The following PDE1A variants were observed in gnomAD, a reference collection of about 807,000 sequenced individuals.
PDE1A encodes phosphodiesterase 1A.
A neutral mutation model predicts 61.7 loss-of-function variants in PDE1A; 35 were observed. The observed-to-expected ratio is 0.57, with a 90% CI of 0.43 to 0.75. The LOEUF is 0.75. Among genes scored for constraint, PDE1A ranks in the 30% least tolerant of loss-of-function variants. The probability of loss-of-function intolerance (pLI) is 0.00; values close to 1 mark genes in which losing one functional copy is unlikely to be tolerated. For synonymous variants in PDE1A, 232 were observed against 213.2 expected, an observed-to-expected ratio of 1.09 and a Z score of -0.77; for missense variants, 597 against 630.6, an observed-to-expected ratio of 0.95 and a Z score of 0.57.
At chr2:182,679,447 C>T in the PDE1A span, among the ~76,000 whole-genome samples, 178 of 149,684 alleles carry the variant, frequency 1.2e-3, no homozygotes, top group Middle Eastern at 3.5e-3. Flanking sequence ...GTGATCCACG[C>T]GCCTCAGCCT....
intron 13 of PDE1A, among the ~76,000 whole-genome samples, chr2:182,150,691 G>T (rs1389078160): frequency 3.3e-5 from 5 of 152,288 alleles, no homozygotes; most frequent in South Asian, 2.1e-4. Context: ...TTTGTAAATA[G>T]AGTCTCAATT....
intron 13 of PDE1A, among the ~76,000 whole-genome samples, chr2:182,174,623 A>G (rs1277443660): frequency 6.6e-6 from 1 of 152,144 alleles, no homozygotes; most frequent in Non-Finnish European, 1.5e-5. Flanking sequence ...GCTGGCTTGT[A>G]TAATCCTTTA....
At chr2:182,146,563 C>T (rs1424366613), downstream of PDE1A, among the ~76,000 whole-genome samples, 1 of 152,114 alleles carries the variant, frequency 6.6e-6, no homozygotes, top group African/African-American at 2.4e-5. Context: ...TCGCTCACTG[C>T]AACCTTTGCT....
At chr2:182,544,430 T>A in the PDE1A span, among the ~76,000 whole-genome samples, 1 of 152,214 alleles carries the variant, frequency 6.6e-6, no homozygotes, top group Non-Finnish European at 1.5e-5. Context: ...AAACTTAGAC[T>A]TTTGAGTCTA....
At chr2:182,550,501 C>T in the PDE1A span, among the ~76,000 whole-genome samples, 1,227 of 152,210 alleles carry the variant, frequency 8.1e-3, 19 homozygotes, top group Non-Finnish European at 0.012. Flanking sequence ...TTCTGAAATA[C>T]TGGTAAAGCA....
chr2:182,272,420 T>G (rs1693095923), intron 1 of PDE1A, among the ~76,000 whole-genome samples: 1 of 152,208 alleles, frequency 6.6e-6, no homozygotes, highest in South Asian at 2.1e-4. Flanking sequence ...TGGTCTTAGG[T>G]CTGACCTAGA....
At chr2:182,645,714 A>C in the PDE1A span, among the ~76,000 whole-genome samples, 99 of 152,346 alleles carry the variant, frequency 6.5e-4, no homozygotes, top group East Asian at 0.019. Context: ...AAAAGAAAAA[A>C]AATTAATATA....
At chr2:182,635,916 G>T in the PDE1A span, among the ~76,000 whole-genome samples, 1 of 144,598 alleles carries the variant, frequency 6.9e-6, no homozygotes. Context: ...CTTTACTTCC[G>T]TCAATAAAGC....
At chr2:182,259,477 T>A (rs559291738) in intron 2 of PDE1A, among the ~76,000 whole-genome samples, 1 of 152,212 alleles carries the variant, frequency 6.6e-6, no homozygotes, top group Non-Finnish European at 1.5e-5. Flanking sequence ...AATAGAAATA[T>A]CTTGTTATTA....
At chr2:182,599,232 C>G in the PDE1A span, among the ~76,000 whole-genome samples, 1 of 152,064 alleles carries the variant, frequency 6.6e-6, no homozygotes, top group Non-Finnish European at 1.5e-5. Context: ...GCTCCCATGA[C>G]TGGTGGTGGA....
the PDE1A span, among the ~76,000 whole-genome samples, chr2:182,640,638 A>T: frequency 6.6e-6 from 1 of 152,174 alleles, no homozygotes; most frequent in Non-Finnish European, 1.5e-5. Flanking sequence ...TTCTCTTAGT[A>T]GGATCGATAC....
chr2:182,666,296 A>C, the PDE1A span, among the ~76,000 whole-genome samples: 1 of 152,222 alleles, frequency 6.6e-6, no homozygotes, highest in Non-Finnish European at 1.5e-5. Flanking sequence ...GGCTTAACGA[A>C]TTAAAGATTA....
Position 182,288,975 on chromosome 2 carries a change from C to T in PDE1A, c.54-24561G>A, listed in dbSNP as rs188504284. Reference sequence around the variant, plus strand: ...AGAGAGATTTGCCATTAGGAGCAGTCAGGACTAGGACTCCAGGCCTCTTGC... The same window carrying T: ...AGAGAGATTTGCCATTAGGAGCAGTTAGGACTAGGACTCCAGGCCTCTTGC... On this transcript the variant is annotated intron_variant, in intron 1 of 13. Transcript: ENST00000351439. Among the ~76,000 whole-genome samples the T allele has an allele frequency of 5.1e-4, 78 of 152,104 alleles. No individual in the cohort carries two copies. In the East Asian group the frequency reaches 0.013, roughly 25 times the overall value.
intron 2 of PDE1A, among the ~76,000 whole-genome samples, chr2:182,455,581 A>C (rs1252180116): frequency 6.6e-6 from 1 of 152,222 alleles, no homozygotes; most frequent in Admixed American, 6.5e-5. Flanking sequence ...GCAGCCATAA[A>C]AAATGAAGAG....
chr2:182,516,731 AGG>A (rs1690190286), intron 2 of PDE1A, among the ~76,000 whole-genome samples: 1 of 145,378 alleles, frequency 6.9e-6, no homozygotes, highest in East Asian at 2.0e-4. Flanking sequence ...GAAGGAAGGA[AGG>A]AAGGAAGGAA....
the PDE1A span, among the ~76,000 whole-genome samples, chr2:182,627,378 TATATA>T: frequency 8.2e-6 from 1 of 121,730 alleles, no homozygotes; most frequent in Non-Finnish European, 1.6e-5. Flanking sequence ...TAATATTTAT[TATATA>T]ATATATAATG....
chr2:182,340,503 T>A lies in PDE1A; in HGVS notation c.54-76089A>T, dbSNP rs553688449. On this transcript the variant is annotated intron_variant, in intron 1 of 13. Transcript: ENST00000351439. ...CTTCATGAAATACCTCTTGTAAAACTGCAGAAAATGGGAAGTTTGAAATTA... is the reference window on the plus strand; with the variant it reads ...CTTCATGAAATACCTCTTGTAAAACAGCAGAAAATGGGAAGTTTGAAATTA... 9.9e-5 allele frequency among the ~76,000 whole-genome samples: 15 copies of A among 152,284 alleles called. No homozygotes were observed. In the South Asian group the frequency reaches 1.2e-3, roughly 13 times the overall value.
chr2:182,492,005 T>G (rs777095110), intron 2 of PDE1A, among the ~76,000 whole-genome samples: 1 of 152,124 alleles, frequency 6.6e-6, no homozygotes, highest in African/African-American at 2.4e-5. Context: ...TGACCTTTAT[T>G]ATTATTGCCA....
chr2:182,423,466 C>T (rs1333465955), intron 1 of PDE1A, among the ~76,000 whole-genome samples: 1 of 152,120 alleles, frequency 6.6e-6, no homozygotes, highest in Non-Finnish European at 1.5e-5. Context: ...ACTCCAAAAC[C>T]TCTCAGTAAC....
Sources: allele counts gnomAD v4.1 joint callset (sites outside exome capture counted in the v4.1 genomes callset), GRCh38; gene constraint gnomAD v4.1.1; transcripts MANE v1.5; gene names NCBI Gene and HGNC (gene_info 2026-07-23, HGNC 2026-07-21).